Variants in NUP155 observed in about 807,000 individuals in gnomAD.
NUP155 encodes the protein nucleoporin 155, also known as nuclear pore complex protein Nup155.
NUP155 carries 71 observed loss-of-function variants against 180.4 expected under a neutral mutation model. The ratio of observed to expected loss-of-function variants is 0.39; its 90% CI spans 0.33 to 0.48. The LOEUF (loss-of-function observed/expected upper bound fraction) is 0.48, where lower values mean the gene tolerates loss of function less well. NUP155 is among the 20% of genes least tolerant of loss of function. The pLI is 0.91. For missense variants in NUP155, 1,553 were observed against 1,648.9 expected, an observed-to-expected ratio of 0.94 and a Z score of 1.01; for synonymous variants, 582 against 559.5, an observed-to-expected ratio of 1.04 and a Z score of -0.57.
Position 37,291,705 on chromosome 5 carries a change from A to C in NUP155, c.*195T>G. On this transcript the variant is annotated 3_prime_UTR_variant, in exon 35 of 35. Coordinates refer to ENST00000231498, the MANE Select transcript of NUP155 (RefSeq NM_153485.3). ...TCTCATTTCAGTTGTTTTTTCACCC[A>C]ATTACTAAAAAACAAAATAGTCATA... 2.1e-6 allele frequency: 1 copy of C among 480,296 alleles called. No individual in the cohort carries two copies. The highest frequency in any genetic ancestry group is 3.7e-6 in the Non-Finnish European group (1 of 269,770). The allele number at this position is 480,296 out of a possible 1,614,324, so 29.8% of individuals were successfully genotyped here.
At chr5:37,324,198 T>G in intron 19 of NUP155, 91 bp from the exon 20 acceptor site, 1 of 788,410 alleles carries the variant, frequency 1.3e-6, no homozygotes, top group Non-Finnish European at 2.2e-6. Context: ...TGAGTATCTC[T>G]ATAGTTATTT....
At chr5:37,349,337 C>T in intron 7 of NUP155, 92 bp from the exon 8 acceptor site, 1 of 432,372 alleles carries the variant, frequency 2.3e-6, no homozygotes, top group South Asian at 2.7e-5. Context: ...ACTGTTGAAT[C>T]AGAACTTTGT....
chr5:37,354,159 T>C (rs1441095705), intron 4 of NUP155, among the ~76,000 whole-genome samples: 1 of 152,234 alleles, frequency 6.6e-6, no homozygotes, highest in Non-Finnish European at 1.5e-5. Context: ...TTTGCTTTTC[T>C]TTTTGAGACA....
At chr5:37,337,764 A>C in intron 12 of NUP155, 54 bp downstream of exon 12, 10 of 1,032,910 alleles carry the variant, frequency 9.7e-6, no homozygotes, top group Non-Finnish European at 1.4e-5. Context: ...CTTCCATATT[A>C]TCCTTCACTT....
chr5:37,325,447 G>C (rs1486373722), intron 19 of NUP155, among the ~76,000 whole-genome samples: 1 of 152,088 alleles, frequency 6.6e-6, no homozygotes, highest in Non-Finnish European at 1.5e-5. Flanking sequence ...TAAGCAGTTT[G>C]TTGTCCAAGA....
chr5:37,323,056 G>A (rs1744351979), intron 20 of NUP155, among the ~76,000 whole-genome samples: 2 of 152,098 alleles, frequency 1.3e-5, no homozygotes, highest in Admixed American at 1.3e-4. Context: ...GCTGAGGCCA[G>A]TGGATGATGA....
intron 5 of NUP155, among the ~76,000 whole-genome samples, chr5:37,352,097 C>T (rs1052536656): frequency 1.2e-4 from 18 of 152,122 alleles, no homozygotes; most frequent in African/African-American, 3.6e-4. Flanking sequence ...GTGGCTCACG[C>T]CTGTAATCCC....
chr5:37,313,502 T>A (rs534964821), intron 22 of NUP155, among the ~76,000 whole-genome samples: 91 of 129,702 alleles, frequency 7.0e-4, no homozygotes, highest in African/African-American at 2.3e-3. Flanking sequence ...TGTGTGTGTG[T>A]GTGAGAGAGA....
At chr5:37,311,609 CA>C (rs1214458856) in intron 22 of NUP155, among the ~76,000 whole-genome samples, 2 of 150,576 alleles carry the variant, frequency 1.3e-5, no homozygotes, top group African/African-American at 2.4e-5. Context: ...ATACGAGAGT[CA>C]AAAAGTAAGT....
chr5:37,366,314 GA>G (rs1747581224), intron 1 of NUP155, among the ~76,000 whole-genome samples: 1 of 152,108 alleles, frequency 6.6e-6, no homozygotes, highest in Admixed American at 6.6e-5. Flanking sequence ...GTGTATTATG[GA>G]AATTTTTAAA....
chr5:37,332,187 A>G (rs1385549314), intron 13 of NUP155, among the ~76,000 whole-genome samples: 1 of 145,222 alleles, frequency 6.9e-6, no homozygotes, highest in Non-Finnish European at 1.5e-5. Context: ...AAAAAAAAAA[A>G]GCTAGAAACA....
chr5:37,343,489 G>C (rs972607352), intron 9 of NUP155, among the ~76,000 whole-genome samples: 38 of 152,112 alleles, frequency 2.5e-4, no homozygotes, highest in African/African-American at 9.2e-4. Flanking sequence ...ATATTATTAA[G>C]AGTAACCCTA....
At chr5:37,326,928 G>A (rs1744635157) in intron 18 of NUP155, among the ~76,000 whole-genome samples, 1 of 152,090 alleles carries the variant, frequency 6.6e-6, no homozygotes, top group Non-Finnish European at 1.5e-5. Context: ...TCCCACCTAT[G>A]CTACCCCAGC....
chr5:37,358,296 T>C lies in NUP155; in HGVS notation c.393-145A>G, dbSNP rs550105413. On this transcript the variant is annotated intron_variant, in intron 3 of 34. Coordinates refer to ENST00000231498, the MANE Select transcript of NUP155 (RefSeq NM_153485.3). The stretch of plus-strand genomic sequence containing the variant: ...AAGTTCAAGACCAGCCTGGGCAACA[T>C]AGTGAGACTGTCTCTACAAAAAAGA... The C allele has an allele frequency of 2.5e-5, 17 of 676,634 alleles. No individual in the cohort carries two copies. The African/African-American group carries it at 2.9e-4, about 11-fold the overall frequency. The allele number at this position is 676,634 out of a possible 1,614,324, so 41.9% of individuals were successfully genotyped here.
At chr5:37,314,436 C>T (rs1743742833) in intron 21 of NUP155, 108 bp from the exon 22 acceptor site, 1 of 802,064 alleles carries the variant, frequency 1.2e-6, no homozygotes, top group Non-Finnish European at 2.0e-6. Context: ...TCTTCCTAGC[C>T]CCCATTACAG....
At chr5:37,336,012 T>C (rs976110094) in intron 12 of NUP155, among the ~76,000 whole-genome samples, 2 of 152,048 alleles carry the variant, frequency 1.3e-5, no homozygotes, top group African/African-American at 4.8e-5. Context: ...ACCTAACCAA[T>C]ATAAAATTTA....
In NUP155 at chr5:37,298,979, C is replaced by T; in HGVS notation, c.3683-1G>A. The T allele has an allele frequency of 6.4e-7, 1 of 1,564,514 alleles. No homozygotes were observed. The highest frequency in any genetic ancestry group is 8.8e-7 in the Non-Finnish European group (1 of 1,135,052). ...CTCAATGTCACACTGTCACTCAATT[C>T]TGTAACAAAAAGACATGTCATTTGA... is the stretch of plus-strand genomic sequence containing the variant. On this transcript the variant is annotated splice_acceptor_variant, in intron 31 of 34. Transcript: ENST00000231498. LOFTEE classifies it high-confidence loss of function.
chr5:37,333,134 C>T (rs1745090434), intron 13 of NUP155, among the ~76,000 whole-genome samples: 1 of 152,100 alleles, frequency 6.6e-6, no homozygotes, highest in South Asian at 2.1e-4. Flanking sequence ...GCAGGCGGAC[C>T]ACCTGAGATC....
intron 11 of NUP155, among the ~76,000 whole-genome samples, chr5:37,338,376 C>A: frequency 6.7e-6 from 1 of 148,858 alleles, no homozygotes; most frequent in Admixed American, 6.7e-5. Context: ...CAACTTAAAA[C>A]TAGCATATAT....
Sources: allele counts gnomAD v4.1 joint callset (sites outside exome capture counted in the v4.1 genomes callset), GRCh38; gene constraint gnomAD v4.1.1; transcripts MANE v1.5; gene names NCBI Gene and HGNC (gene_info 2026-07-23, HGNC 2026-07-21).